WWTR1: variants seen among roughly 807,000 people sequenced by gnomAD.
WWTR1 encodes WW domain containing transcription regulator 1.
In WWTR1, 13 loss-of-function variants were observed where a neutral mutation model predicts 40.1. That is an observed-to-expected ratio of 0.32 (90% CI 0.21 to 0.52). WWTR1 has a LOEUF of 0.52. Among genes scored for constraint, WWTR1 ranks in the 20% least tolerant of loss-of-function variants. WWTR1 has a pLI of 0.97. For synonymous variants in WWTR1, 230 were observed against 210.1 expected (o/e 1.09, Z -0.82); for missense variants, 436 against 523.1 (o/e 0.83, Z 1.63).
chr3:149,638,963 CGA>C (rs1160116319), intron 2 of WWTR1, among the ~76,000 whole-genome samples: 1 of 152,146 alleles, frequency 6.6e-6, no homozygotes, highest in Non-Finnish European at 1.5e-5. Flanking sequence ...CTAGCTCAAA[CGA>C]GAGATACTGG....
At chr3:149,644,839 T>C (rs1395496871) in intron 2 of WWTR1, among the ~76,000 whole-genome samples, 2 of 152,124 alleles carry the variant, frequency 1.3e-5, no homozygotes, top group African/African-American at 2.4e-5. Context: ...GCAGTACTTT[T>C]ACTGTTCACT....
chr3:149,520,763 A>C lies in WWTR1; in HGVS notation c.*42T>G, dbSNP rs1331898181. ...CATCACTTTTTCCAAGAGGCCCAGG[A>C]AATGTAAGGTCATGGCTACATCCAA... is the stretch of plus-strand genomic sequence containing the variant. On this transcript the variant is annotated 3_prime_UTR_variant, in exon 7 of 7. Transcript: ENST00000360632. The C allele has an allele frequency of 2.0e-6, 3 of 1,469,112 alleles. No homozygotes were observed. The highest frequency in any genetic ancestry group is 1.8e-6 in the Non-Finnish European group (2 of 1,109,988). 91.0% of individuals were successfully genotyped at this position (1,469,112 alleles called of 1,614,324 possible). A position where few individuals can be genotyped will look rare whatever the true frequency, so the allele number is the denominator to read the frequency against.
chr3:149,598,154 C>T (rs949893259), intron 2 of WWTR1, among the ~76,000 whole-genome samples: 1 of 152,162 alleles, frequency 6.6e-6, no homozygotes, highest in Admixed American at 6.5e-5. Context: ...GCAAACCCCC[C>T]AATAGATCCT....
chr3:149,671,313 A>G (rs895672340), intron 1 of WWTR1, among the ~76,000 whole-genome samples: 3 of 152,210 alleles, frequency 2.0e-5, no homozygotes, highest in Non-Finnish European at 4.4e-5. Flanking sequence ...AACACTGTCT[A>G]AGGTGACCTA....
chr3:149,669,337 T>G (rs1323768940), intron 2 of WWTR1, among the ~76,000 whole-genome samples: 2 of 152,212 alleles, frequency 1.3e-5, no homozygotes, highest in African/African-American at 4.8e-5. Flanking sequence ...CTCTGCAGCC[T>G]GGGCAGCAGT....
chr3:149,679,412 T>TA (rs1308663559), intron 1 of WWTR1, among the ~76,000 whole-genome samples: 1 of 152,188 alleles, frequency 6.6e-6, no homozygotes, highest in African/African-American at 2.4e-5. Flanking sequence ...CACCAATGAA[T>TA]ATGTCCTAAC....
chr3:149,543,255 G>T (rs1030072036), intron 3 of WWTR1, among the ~76,000 whole-genome samples: 3 of 152,120 alleles, frequency 2.0e-5, no homozygotes, highest in Admixed American at 1.3e-4. Context: ...CTATTTATCT[G>T]CATTTAACAA....
chr3:149,543,868 T>C (rs994459958), intron 3 of WWTR1, among the ~76,000 whole-genome samples: 1 of 150,288 alleles, frequency 6.7e-6, no homozygotes, highest in East Asian at 1.9e-4. Flanking sequence ...TTTTGCTATA[T>C]TTGGTATCAT....
chr3:149,573,109 T>C, intron 2 of WWTR1, 109 bp from the exon 3 acceptor site: 1 of 1,195,250 alleles, frequency 8.4e-7, no homozygotes, highest in Non-Finnish European at 1.2e-6. Flanking sequence ...TAGGATCTGC[T>C]TGAGTGGTTG....
At position 149,639,421 on chromosome 3, in the gene WWTR1, C is replaced by T. The variant is rs562394715; in HGVS notation, c.431+17455G>A. Among the ~76,000 whole-genome samples, 96 of 152,034 alleles carry T rather than the reference C, an allele frequency of 6.3e-4. 1 individual carries two copies. The highest frequency in any genetic ancestry group is 2.6e-3 in the Admixed American group (39 of 15,248). ...TGGGGTCTTGCTCTGTTGCTCAGGC[C>T]GGTCTCAAACTCCTGGCCTCAAGCC... is the stretch of plus-strand genomic sequence containing the variant. On this transcript the variant is annotated intron_variant, in intron 2 of 6. Coordinates refer to ENST00000360632, the MANE Select transcript of WWTR1 (RefSeq NM_015472.6).
chr3:149,675,641 T>C (rs1714235828), intron 1 of WWTR1, among the ~76,000 whole-genome samples: 1 of 152,178 alleles, frequency 6.6e-6, no homozygotes, highest in Non-Finnish European at 1.5e-5. Flanking sequence ...GGAGCAGTGG[T>C]GTTTCTAGGT....
intron 4 of WWTR1, among the ~76,000 whole-genome samples, chr3:149,533,810 A>T (rs1387293264): frequency 7.6e-6 from 1 of 132,058 alleles, no homozygotes; most frequent in Non-Finnish European, 1.6e-5. Context: ...TGCTATAAAG[A>T]TTAGAAAGCG....
At chr3:149,662,736 C>G (rs767805949), upstream of WWTR1, among the ~76,000 whole-genome samples, 2 of 152,172 alleles carry the variant, frequency 1.3e-5, no homozygotes, top group Non-Finnish European at 2.9e-5. Flanking sequence ...TCAAAGCTAT[C>G]AATCTGGCAC....
intron 3 of WWTR1, among the ~76,000 whole-genome samples, chr3:149,547,995 A>G (rs1453161695): frequency 1.4e-5 from 2 of 143,768 alleles, no homozygotes; most frequent in Non-Finnish European, 3.0e-5. Context: ...CATCTGAGAT[A>G]CAAACACACT....
At chr3:149,628,316 C>T (rs1182650562) in intron 2 of WWTR1, among the ~76,000 whole-genome samples, 1 of 152,208 alleles carries the variant, frequency 6.6e-6, no homozygotes, top group African/African-American at 2.4e-5. Context: ...CTTGCGGTGG[C>T]CGAGATCACG....
intron 2 of WWTR1, among the ~76,000 whole-genome samples, chr3:149,607,038 T>C (rs1234741757): frequency 6.6e-6 from 1 of 152,228 alleles, no homozygotes; most frequent in Non-Finnish European, 1.5e-5. Context: ...ACTATTACAA[T>C]GGTATTTTTT....
At chr3:149,676,712 G>A (rs1236125147) in intron 1 of WWTR1, among the ~76,000 whole-genome samples, 1 of 152,062 alleles carries the variant, frequency 6.6e-6, no homozygotes, top group East Asian at 1.9e-4. Flanking sequence ...TATTTTCAAG[G>A]TACATGCCCT....
chr3:149,542,569 C>T (rs1736165521), intron 3 of WWTR1, 32 bp from the exon 4 acceptor site: 3 of 1,577,300 alleles, frequency 1.9e-6, no homozygotes, highest in Non-Finnish European at 2.6e-6. Context: ...AGATTAATGA[C>T]CAGGGCCCAC....
At chr3:149,691,888 C>A (rs556765722) in intron 1 of WWTR1, among the ~76,000 whole-genome samples, 39 of 152,022 alleles carry the variant, frequency 2.6e-4, no homozygotes, top group African/African-American at 8.7e-4. Context: ...TGGTGGCAGG[C>A]GCCTGTAGTC....
Sources: gnomAD v4.1 joint callset for allele counts (sites outside exome capture counted in the v4.1 genomes callset) on GRCh38, gnomAD v4.1.1 for gene constraint, MANE v1.5 for transcripts, NCBI Gene and HGNC (gene_info 2026-07-23, HGNC 2026-07-21) for gene names.